The following HSBP1 variants were observed in gnomAD, a reference collection of about 807,000 sequenced individuals.
HSBP1 encodes heat shock factor-binding protein 1.
A neutral mutation model predicts 9.6 loss-of-function variants in HSBP1; 5 were observed. The ratio of observed to expected loss-of-function variants is 0.52; its 90% CI spans 0.27 to 1.09. The LOEUF is 1.09. Ranked by LOEUF, HSBP1 falls within the 50% of genes least tolerant of loss-of-function variation. HSBP1 has a pLI of 0.11. For synonymous variants in HSBP1, 42 were observed against 33.3 expected (o/e 1.26, Z -0.90); for missense variants, 121 against 96.3 (o/e 1.26, Z -1.07).
intron 1 of HSBP1, chr16:83,808,329 G>C (rs1262541881): frequency 1.8e-6 from 1 of 557,486 alleles, no homozygotes; most frequent in Non-Finnish European, 3.1e-6. Flanking sequence ...CCCCAAGCCC[G>C]ACCCCTTCCA....
At chr16:83,808,588 C>T in intron 1 of HSBP1, 92 bp from the exon 2 acceptor site, 1 of 981,048 alleles carries the variant, frequency 1.0e-6, no homozygotes, top group Admixed American at 2.2e-5. Flanking sequence ...AGAAATGGGG[C>T]TGGAACCCCG....
chr16:83,817,171 C>T lies in HSBP1; in HGVS notation c.*5753C>T, dbSNP rs1336559613. The T allele has an allele frequency of 1.3e-5, 2 of 152,220 alleles. No homozygotes were observed. The highest frequency in any genetic ancestry group is 4.8e-5 in the African/African-American group (2 of 41,454). 9.4% of individuals were successfully genotyped at this position (152,220 alleles called of 1,614,324 possible). On this transcript the variant is annotated 3_prime_UTR_variant, in exon 4 of 4. Coordinates refer to ENST00000433866, the MANE Select transcript of HSBP1 (RefSeq NM_001537.4). ...GGTCGAGAACTGCATTCAAGAAGGC[C>T]TGTCTACTGCGAACCGTCCGATGAT... is the stretch of plus-strand genomic sequence containing the variant.
In HSBP1 at chr16:83,819,559, T is replaced by G. The variant is rs541784682; in HGVS notation, c.*8141T>G. ...CACTTTAAAGCAATTTGCTTCTTAT[T>G]AAAATGTACTTCAGTAAAAAATCAT... On this transcript the variant is annotated 3_prime_UTR_variant, in exon 4 of 4. Transcript: ENST00000433866. 58 of 151,878 alleles carry G rather than the reference T, an allele frequency of 3.8e-4. No individual in the cohort carries two copies. Among genetic ancestry groups the G allele is most frequent in the African/African-American group, 1.4e-3 (57 of 41,162 alleles). The allele number at this position is 151,878 out of a possible 1,614,324, so 9.4% of individuals were successfully genotyped here. A position where few individuals can be genotyped will look rare whatever the true frequency, so the allele number is the denominator to read the frequency against.
intron 3 of HSBP1, among the ~76,000 whole-genome samples, chr16:83,809,764 G>T (rs539066322): frequency 6.6e-6 from 1 of 151,822 alleles, no homozygotes; most frequent in African/African-American, 2.4e-5. Context: ...CGCCGTGCCC[G>T]GTCTTTTTTT....
At chr16:83,808,796 TG>T (rs749005467) in intron 2 of HSBP1, 50 bp downstream of exon 2, 24 of 1,373,200 alleles carry the variant, frequency 1.7e-5, no homozygotes, top group Non-Finnish European at 2.3e-5. Flanking sequence ...GGAGCCTATT[TG>T]CCGGGCAGTG....
chr16:83,808,280 C>T (rs905365655), intron 1 of HSBP1, 159 bp downstream of exon 1: 16 of 648,034 alleles, frequency 2.5e-5, no homozygotes, highest in Non-Finnish European at 4.1e-5. Context: ...CACCTTGACC[C>T]CCGGGGCGCT....
intron 1 of HSBP1, 82 bp downstream of exon 1, chr16:83,808,203 ACCGCGGCCGCGCGTGGCGTCTG>A (rs1904505999): frequency 8.2e-7 from 1 of 1,217,844 alleles, no homozygotes; most frequent in Non-Finnish European, 1.1e-6. Flanking sequence ...AGGCGCGCCC[ACCGCGGCCGCGCGTGGCGTCTG>A]CCGAGGCCCC....
At position 83,818,397 on chromosome 16, in the gene HSBP1, C is replaced by G. The variant is rs1904767698; in HGVS notation, c.*6979C>G. 1 of 152,220 alleles carries G rather than the reference C, an allele frequency of 6.6e-6. No homozygotes were observed. The highest frequency in any genetic ancestry group is 2.4e-5 in the African/African-American group (1 of 41,446). 9.4% of individuals were successfully genotyped at this position (152,220 alleles called of 1,614,324 possible). ...CCCAGACATTGTTCCCTGCCATCCA[C>G]TCTGCCAGACATTTCTTGGATTTAT... On this transcript the variant is annotated 3_prime_UTR_variant, in exon 4 of 4. Transcript: ENST00000433866.
intron 3 of HSBP1, 57 bp from the exon 4 acceptor site, chr16:83,811,363 AT>A (rs1904597066): frequency 6.6e-6 from 1 of 152,314 alleles, no homozygotes; most frequent in South Asian, 2.1e-4. Flanking sequence ...TCTATATGTC[AT>A]TTTTACTTGT....
In HSBP1 at chr16:83,812,015, G is replaced by T. The variant is rs1379564224; in HGVS notation, c.*597G>T. 1 of 152,630 alleles carries T rather than the reference G, an allele frequency of 6.6e-6. No homozygotes were observed. Among genetic ancestry groups the T allele is most frequent in the East Asian group, 1.9e-4 (1 of 5,200 alleles). 9.5% of individuals were successfully genotyped at this position (152,630 alleles called of 1,614,324 possible). A position where few individuals can be genotyped will look rare whatever the true frequency, so the allele number is the denominator to read the frequency against. ...TATGTCTGAGTCCCTGAGATCACAT[G>T]CTAAAGTCGATGAAAAGTAACCACT... On this transcript the variant is annotated 3_prime_UTR_variant, in exon 4 of 4. Coordinates refer to ENST00000433866, the MANE Select transcript of HSBP1 (RefSeq NM_001537.4).
At position 83,818,449 on chromosome 16, in the gene HSBP1, T is replaced by C. The variant is rs750100836; in HGVS notation, c.*7031T>C. On this transcript the variant is annotated 3_prime_UTR_variant, in exon 4 of 4. Coordinates refer to ENST00000433866, the MANE Select transcript of HSBP1 (RefSeq NM_001537.4). The stretch of plus-strand genomic sequence containing the variant: ...CAAGCTGACTTGTATTCCAGAACAA[T>C]TGTGGACAAGATTTGCTAGTAATGC... 5 of 152,198 alleles carry C rather than the reference T, an allele frequency of 3.3e-5. No individual in the cohort carries two copies. The highest frequency in any genetic ancestry group is 7.3e-5 in the Non-Finnish European group (5 of 68,036). 9.4% of individuals were successfully genotyped at this position (152,198 alleles called of 1,614,324 possible).
rs1031466807 is a variant in HSBP1 at position 83,808,301 on chromosome 16, C to T, written c.45+180C>T. ...GACCCCCGGGGCGCTCGGTGCGGGC[C>T]AGTCTCCCCGCGGGCGCCCCCAAGC... On this transcript the variant is annotated intron_variant, in intron 1 of 3. Transcript: ENST00000433866. The T allele has an allele frequency of 2.4e-5, 14 of 589,604 alleles. No homozygotes were observed. In the East Asian group the frequency reaches 4.6e-4, roughly 19 times the overall value. The allele number at this position is 589,604 out of a possible 1,614,324, so 36.5% of individuals were successfully genotyped here.
chr16:83,809,844 C>T (rs1404731419), intron 3 of HSBP1, among the ~76,000 whole-genome samples: 1 of 152,054 alleles, frequency 6.6e-6, no homozygotes. Context: ...TTCTGTAGAT[C>T]AGTTCCCAGC....
rs1904702890 is a variant in HSBP1 at position 83,815,614 on chromosome 16, T to G, written c.*4196T>G. On this transcript the variant is annotated 3_prime_UTR_variant, in exon 4 of 4. Coordinates refer to ENST00000433866, the MANE Select transcript of HSBP1 (RefSeq NM_001537.4). ...CTCAGACCGCTGCCTAGGGTTCGAG[T>G]GATCCTGAAAGCTGTACAACATCAG... is the stretch of plus-strand genomic sequence containing the variant. 2 of 151,858 alleles carry G rather than the reference T, an allele frequency of 1.3e-5. No homozygotes were observed. Among genetic ancestry groups the G allele is most frequent in the Admixed American group, 6.6e-5 (1 of 15,256 alleles). 9.4% of individuals were successfully genotyped at this position (151,858 alleles called of 1,614,324 possible). A position where few individuals can be genotyped will look rare whatever the true frequency, so the allele number is the denominator to read the frequency against.
rs1904744081 is a variant in HSBP1, at chr16:83,817,357, G to C, written c.*5939G>C. The C allele has an allele frequency of 6.6e-6, 1 of 152,206 alleles. No homozygotes were observed. Among genetic ancestry groups the C allele is most frequent in the Non-Finnish European group, 1.5e-5 (1 of 68,046 alleles). 9.4% of individuals were successfully genotyped at this position (152,206 alleles called of 1,614,324 possible). ...TTGTGTCCCAACTGTTTGAATCAAAGGATTTCTGATTCCCTGATGGGTGAT... is the reference window on the plus strand; with the variant it reads ...TTGTGTCCCAACTGTTTGAATCAAACGATTTCTGATTCCCTGATGGGTGAT... On this transcript the variant is annotated 3_prime_UTR_variant, in exon 4 of 4. Transcript: ENST00000433866.
At position 83,819,175 on chromosome 16, in the gene HSBP1, G is replaced by A. The variant is rs758514836; in HGVS notation, c.*7757G>A. On this transcript the variant is annotated 3_prime_UTR_variant, in exon 4 of 4. Coordinates refer to ENST00000433866, the MANE Select transcript of HSBP1 (RefSeq NM_001537.4). Reference sequence around the variant, plus strand: ...TATGTCTAAACCAAGAAGCCCCATGGGGCACTGATTAGCATGCAGGTCCCC... The same window carrying A: ...TATGTCTAAACCAAGAAGCCCCATGAGGCACTGATTAGCATGCAGGTCCCC... 1 of 152,088 alleles carries A rather than the reference G, an allele frequency of 6.6e-6. No individual in the cohort carries two copies. The highest frequency in any genetic ancestry group is 1.5e-5 in the Non-Finnish European group (1 of 68,022). 9.4% of individuals were successfully genotyped at this position (152,088 alleles called of 1,614,324 possible).
chr16:83,810,048 A>C (rs1904564384), intron 3 of HSBP1, among the ~76,000 whole-genome samples: 1 of 9,300 alleles, frequency 1.1e-4, no homozygotes. Flanking sequence ...GCTAATAATT[A>C]AGGTGTCTTT....
At chr16:83,809,932 T>C (rs976903563) in intron 3 of HSBP1, among the ~76,000 whole-genome samples, 4 of 152,204 alleles carry the variant, frequency 2.6e-5, no homozygotes, top group African/African-American at 9.7e-5. Flanking sequence ...CCAAACTCAT[T>C]CTTTACACCG....
chr16:83,808,358 C>T lies in HSBP1; in HGVS notation c.45+237C>T. On this transcript the variant is annotated intron_variant, in intron 1 of 3. Transcript: ENST00000433866. ...CCTTCCAGTAGCCCCATTCATCTGT[C>T]GCGAACGCCCTCCGGGTCCCTCCCG... is the stretch of plus-strand genomic sequence containing the variant. The T allele has an allele frequency of 7.3e-6, 4 of 551,012 alleles. 1 individual carries two copies. The South Asian group carries it at 9.3e-5, about 13-fold the overall frequency. The allele number at this position is 551,012 out of a possible 1,614,324, so 34.1% of individuals were successfully genotyped here.
Sources: gnomAD v4.1 joint callset for allele counts (sites outside exome capture counted in the v4.1 genomes callset) on GRCh38, gnomAD v4.1.1 for gene constraint, MANE v1.5 for transcripts, NCBI Gene and HGNC (gene_info 2026-07-23, HGNC 2026-07-21) for gene names.